HSD17B12: variants seen among roughly 807,000 people sequenced by gnomAD.
HSD17B12 encodes the protein very-long-chain 3-oxoacyl-CoA reductase.
A neutral mutation model predicts 39.3 loss-of-function variants in HSD17B12; 32 were observed. That is an observed-to-expected ratio of 0.81 (90% confidence interval 0.61 to 1.09). The LOEUF (loss-of-function observed/expected upper bound fraction) is 1.09. Among genes scored for constraint, HSD17B12 ranks in the 50% least tolerant of loss-of-function variants. The pLI is 0.00. For missense variants in HSD17B12, 342 were observed against 382.9 expected (o/e 0.89, Z 0.89); for synonymous variants, 150 against 146.7 (o/e 1.02, Z -0.16).
the HSD17B12 span, among the ~76,000 whole-genome samples, chr11:43,573,830 C>T: frequency 1.3e-5 from 2 of 152,148 alleles, no homozygotes; most frequent in African/African-American, 4.8e-5. Flanking sequence ...CTACTCTGTG[C>T]CTTTAAAAAC....
intron 3 of HSD17B12, among the ~76,000 whole-genome samples, chr11:43,765,049 T>G (rs1235405983): frequency 6.6e-6 from 1 of 152,130 alleles, no homozygotes; most frequent in Non-Finnish European, 1.5e-5. Context: ...TATCCTCGGT[T>G]TGCTGACTGT....
chr11:43,623,276 T>C, the HSD17B12 span, among the ~76,000 whole-genome samples: 9 of 152,284 alleles, frequency 5.9e-5, no homozygotes, highest in South Asian at 1.7e-3. Context: ...TTAGTAACTG[T>C]TGGAGAAATC....
At chr11:43,627,623 T>C in the HSD17B12 span, among the ~76,000 whole-genome samples, 7 of 152,142 alleles carry the variant, frequency 4.6e-5, no homozygotes, top group African/African-American at 1.7e-4. Flanking sequence ...TATTGCTTTC[T>C]TTAGATTTTG....
intron 1 of HSD17B12, chr11:43,718,561 A>C: frequency 2.3e-6 from 1 of 440,232 alleles, no homozygotes; most frequent in East Asian, 4.1e-5. Context: ...CTCATTTAAA[A>C]AGAGGAAGAA....
chr11:43,675,718 A>G (rs1949689206), upstream of HSD17B12, among the ~76,000 whole-genome samples: 1 of 152,142 alleles, frequency 6.6e-6, no homozygotes, highest in South Asian at 2.1e-4. Context: ...AATGCTTGTG[A>G]TTTGAATTAG....
intron 3 of HSD17B12, among the ~76,000 whole-genome samples, chr11:43,772,270 A>G (rs1469459620): frequency 1.3e-5 from 2 of 152,218 alleles, no homozygotes; most frequent in African/African-American, 2.4e-5. Context: ...AGCCATCATA[A>G]AATCCCCCTA....
chr11:43,823,191 C>A (rs1278469727), intron 6 of HSD17B12, among the ~76,000 whole-genome samples: 1 of 151,954 alleles, frequency 6.6e-6, no homozygotes, highest in Non-Finnish European at 1.5e-5. Flanking sequence ...TTTCTGAACC[C>A]TCCAGAGTGT....
chr11:43,607,348 G>T, the HSD17B12 span, among the ~76,000 whole-genome samples: 1 of 151,436 alleles, frequency 6.6e-6, no homozygotes, highest in Non-Finnish European at 1.5e-5. Flanking sequence ...ATAAATGCCC[G>T]AGAACCACAA....
At chr11:43,596,833 A>G in the HSD17B12 span, among the ~76,000 whole-genome samples, 1 of 151,932 alleles carries the variant, frequency 6.6e-6, no homozygotes, top group African/African-American at 2.4e-5. Flanking sequence ...TCATTTTTTC[A>G]TTTCTTTCAT....
the HSD17B12 span, among the ~76,000 whole-genome samples, chr11:43,610,614 A>G: frequency 0.4 from 61,086 of 152,010 alleles, 13,665 homozygotes; most frequent in East Asian, 0.76. Context: ...TGTCATGGAT[A>G]TATATAATAC....
At chr11:43,648,039 T>G in the HSD17B12 span, among the ~76,000 whole-genome samples, 1 of 152,182 alleles carries the variant, frequency 6.6e-6, no homozygotes, top group Non-Finnish European at 1.5e-5. Flanking sequence ...TCATTTCCAT[T>G]AGAAATAAAG....
chr11:43,633,971 G>A, the HSD17B12 span, among the ~76,000 whole-genome samples: 1 of 150,386 alleles, frequency 6.6e-6, no homozygotes, highest in Non-Finnish European at 1.5e-5. Context: ...CTACTTGGGA[G>A]GGTGAGGCAG....
intron 1 of HSD17B12, among the ~76,000 whole-genome samples, chr11:43,706,932 C>A (rs959489682): frequency 6.6e-6 from 1 of 151,948 alleles, no homozygotes; most frequent in African/African-American, 2.4e-5. Context: ...AATTTTATGC[C>A]TCTTTTTCTA....
intron 3 of HSD17B12, among the ~76,000 whole-genome samples, chr11:43,775,968 A>G (rs1950699113): frequency 6.6e-6 from 1 of 152,128 alleles, no homozygotes. Flanking sequence ...ATAGTATTCC[A>G]TGGTGTATAT....
the HSD17B12 span, among the ~76,000 whole-genome samples, chr11:43,599,440 A>G: frequency 6.6e-6 from 1 of 152,208 alleles, no homozygotes; most frequent in African/African-American, 2.4e-5. Flanking sequence ...TTTATTTTAA[A>G]TTCAGGGGTA....
intron 3 of HSD17B12, among the ~76,000 whole-genome samples, chr11:43,778,101 GA>G (rs1389859489): frequency 6.6e-6 from 1 of 151,520 alleles, no homozygotes; most frequent in Admixed American, 6.6e-5. Flanking sequence ...GACTAATAAA[GA>G]AAAAAAGAGA....
At chr11:43,737,136 T>C (rs1950324241) in intron 1 of HSD17B12, among the ~76,000 whole-genome samples, 1 of 152,148 alleles carries the variant, frequency 6.6e-6, no homozygotes, top group South Asian at 2.1e-4. Flanking sequence ...AGGAACCTGT[T>C]TGGAATAACT....
chr11:43,823,136 G>A (rs1433568530), intron 6 of HSD17B12, among the ~76,000 whole-genome samples: 2 of 151,964 alleles, frequency 1.3e-5, no homozygotes, highest in East Asian at 3.9e-4. Flanking sequence ...CCAAGGTGGG[G>A]GCTTGAAACC....
At chr11:43,796,281 C>T (rs1408373158) in intron 3 of HSD17B12, among the ~76,000 whole-genome samples, 1 of 151,650 alleles carries the variant, frequency 6.6e-6, no homozygotes, top group Non-Finnish European at 1.5e-5. Flanking sequence ...AAGCCGGGAA[C>T]GATGGTGTGT....
Sources: gnomAD v4.1 joint callset for allele counts (sites outside exome capture counted in the v4.1 genomes callset) on GRCh38, gnomAD v4.1.1 for gene constraint, MANE v1.5 for transcripts, NCBI Gene and HGNC (gene_info 2026-07-23, HGNC 2026-07-21) for gene names.